LRP1B: variants seen among roughly 807,000 people sequenced by gnomAD.
LRP1B encodes the protein LDL receptor related protein 1B, also known as low-density lipoprotein receptor-related protein 1B.
A neutral mutation model predicts 556.6 loss-of-function variants in LRP1B; 217 were observed. The ratio of observed to expected loss-of-function variants is 0.39; its 90% CI spans 0.35 to 0.44. The LOEUF (loss-of-function observed/expected upper bound fraction) is 0.44, where lower values mean the gene tolerates loss of function less well. Ranked by LOEUF, LRP1B falls within the 20% of genes least tolerant of loss-of-function variation. LRP1B has a pLI of 1.00. For missense variants in LRP1B, 5,053 were observed against 5,620.8 expected, an observed-to-expected ratio of 0.90 and a Z score of 3.23; for synonymous variants, 2,047 against 1,865.8, an observed-to-expected ratio of 1.10 and a Z score of -2.50.
chr2:140,372,242 A>C (rs1008500141), intron 69 of LRP1B, among the ~76,000 whole-genome samples: 1 of 152,064 alleles, frequency 6.6e-6, no homozygotes, highest in Non-Finnish European at 1.5e-5. Context: ...ATCTGTATTC[A>C]TAAGGAGTCT....
chr2:141,095,618 T>A (rs1032717278), intron 7 of LRP1B, among the ~76,000 whole-genome samples: 1 of 151,956 alleles, frequency 6.6e-6, no homozygotes, highest in African/African-American at 2.4e-5. Flanking sequence ...ATTCTTAACC[T>A]AAAGTACATA....
At chr2:141,751,182 A>G (rs1274721118) in intron 2 of LRP1B, among the ~76,000 whole-genome samples, 1 of 152,114 alleles carries the variant, frequency 6.6e-6, no homozygotes, top group Non-Finnish European at 1.5e-5. Context: ...AATAAACTCA[A>G]TATACTGTCT....
chr2:140,317,818 C>T lies in LRP1B; in HGVS notation c.12641-2719G>A, dbSNP rs562185082. ...CAAAATCCTTACATGTTAGGGCATG[C>T]GCGTTACTATAACGTGCCTCATTAG... On this transcript the variant is annotated intron_variant, in intron 82 of 90. Coordinates refer to ENST00000389484, the MANE Select transcript of LRP1B (RefSeq NM_018557.3). Among the ~76,000 whole-genome samples, 28 of 152,074 alleles carry T rather than the reference C, an allele frequency of 1.8e-4. No homozygotes were observed. In the South Asian group the frequency reaches 5.0e-3, roughly 27 times the overall value.
At chr2:140,946,053 C>T (rs1002258742) in intron 20 of LRP1B, among the ~76,000 whole-genome samples, 1 of 152,104 alleles carries the variant, frequency 6.6e-6, no homozygotes, top group Non-Finnish European at 1.5e-5. Context: ...AAGACATGAA[C>T]AGACACTTCT....
At chr2:141,262,696 T>C (rs1163975952) in intron 3 of LRP1B, among the ~76,000 whole-genome samples, 2 of 152,174 alleles carry the variant, frequency 1.3e-5, no homozygotes, top group East Asian at 1.9e-4. Context: ...ATTATCTTTG[T>C]ACCTTTGTCA....
intron 1 of LRP1B, among the ~76,000 whole-genome samples, chr2:142,120,261 G>C (rs889372346): frequency 6.6e-6 from 1 of 152,104 alleles, no homozygotes; most frequent in African/African-American, 2.4e-5. Context: ...ACAGGCACAT[G>C]CAACTATGCC....
intron 3 of LRP1B, among the ~76,000 whole-genome samples, chr2:141,308,936 TA>T (rs1408452925): frequency 6.6e-6 from 1 of 152,188 alleles, no homozygotes; most frequent in Admixed American, 6.5e-5. Flanking sequence ...AATTTAAAGA[TA>T]ATATTTGATA....
chr2:140,347,518 CTTCAT>C (rs1305384012), intron 77 of LRP1B, among the ~76,000 whole-genome samples: 1 of 149,482 alleles, frequency 6.7e-6, no homozygotes, highest in African/African-American at 2.4e-5. Context: ...TTAGAATGTA[CTTCAT>C]TTAACATTTA....
intron 2 of LRP1B, among the ~76,000 whole-genome samples, chr2:141,503,600 A>G (rs1306485373): frequency 1.3e-5 from 2 of 152,106 alleles, no homozygotes; most frequent in Non-Finnish European, 2.9e-5. Flanking sequence ...TTCTATCTGT[A>G]TAATTTGCAG....
intron 7 of LRP1B, among the ~76,000 whole-genome samples, chr2:141,095,185 TA>T (rs781548646): frequency 1.3e-5 from 2 of 151,602 alleles, no homozygotes; most frequent in African/African-American, 2.4e-5. Context: ...CTGTGAGAAG[TA>T]AATTTCTATT....
At chr2:140,976,892 A>T (rs967585223) in intron 18 of LRP1B, among the ~76,000 whole-genome samples, 14 of 152,194 alleles carry the variant, frequency 9.2e-5, no homozygotes, top group African/African-American at 3.4e-4. Context: ...CTACCAACTT[A>T]CATTAAGGTA....
intron 6 of LRP1B, among the ~76,000 whole-genome samples, chr2:141,203,067 A>G (rs909274298): frequency 6.6e-5 from 10 of 152,212 alleles, no homozygotes; most frequent in African/African-American, 2.2e-4. Flanking sequence ...AACAACTGGT[A>G]CCAGCCGCTG....
At chr2:141,533,249 G>A (rs1358364010) in intron 2 of LRP1B, among the ~76,000 whole-genome samples, 1 of 152,164 alleles carries the variant, frequency 6.6e-6, no homozygotes, top group East Asian at 1.9e-4. Flanking sequence ...TTCTACTTTT[G>A]GAAGGTGTTG....
chr2:141,586,068 G>A (rs1169297368), intron 2 of LRP1B, among the ~76,000 whole-genome samples: 2 of 152,046 alleles, frequency 1.3e-5, no homozygotes, highest in African/African-American at 2.4e-5. Context: ...ATGCATCTTA[G>A]GAAGTAATCT....
intron 3 of LRP1B, among the ~76,000 whole-genome samples, chr2:141,259,071 T>A (rs971815662): frequency 1.3e-5 from 2 of 152,224 alleles, no homozygotes; most frequent in Non-Finnish European, 2.9e-5. Flanking sequence ...GGTAACAGTT[T>A]ACAAGTAATG....
chr2:140,319,780 C>A (rs954629816), intron 82 of LRP1B, among the ~76,000 whole-genome samples: 1 of 152,128 alleles, frequency 6.6e-6, no homozygotes, highest in East Asian at 1.9e-4. Context: ...TCACTTGATT[C>A]TCTTATTCCC....
At chr2:141,441,495 C>T (rs778859115) in intron 3 of LRP1B, among the ~76,000 whole-genome samples, 5 of 152,216 alleles carry the variant, frequency 3.3e-5, no homozygotes, top group Non-Finnish European at 7.3e-5. Flanking sequence ...ACCAACTAAT[C>T]AGAGTCCTAA....
At chr2:141,249,243 G>A (rs931125477) in intron 4 of LRP1B, among the ~76,000 whole-genome samples, 16 of 152,096 alleles carry the variant, frequency 1.1e-4, no homozygotes, top group Admixed American at 9.2e-4. Context: ...AAGAGGAGAT[G>A]AAAAAAATTT....
intron 2 of LRP1B, among the ~76,000 whole-genome samples, chr2:141,716,346 G>A (rs1692584894): frequency 6.6e-6 from 1 of 152,106 alleles, no homozygotes; most frequent in African/African-American, 2.4e-5. Context: ...ACCTTAGCAA[G>A]CATTATACTT....
Sources: gnomAD v4.1 joint callset for allele counts (sites outside exome capture counted in the v4.1 genomes callset) on GRCh38, gnomAD v4.1.1 for gene constraint, MANE v1.5 for transcripts, NCBI Gene and HGNC (gene_info 2026-07-23, HGNC 2026-07-21) for gene names.